ABTB2: variants seen among roughly 807,000 people sequenced by gnomAD.
ABTB2 encodes ankyrin repeat and BTB domain containing 2, also known as ankyrin repeat and BTB/POZ domain-containing protein 2.
In ABTB2, 56 loss-of-function variants were observed where a neutral mutation model predicts 104.1. The observed-to-expected ratio is 0.54, with a 90% CI of 0.43 to 0.67. The LOEUF (loss-of-function observed/expected upper bound fraction) is 0.67. Among genes scored for constraint, ABTB2 ranks in the 30% least tolerant of loss-of-function variants. The pLI, the probability that ABTB2 is intolerant of heterozygous loss-of-function variation, is 0.00. For missense variants in ABTB2, 1,279 were observed against 1,407.7 expected (o/e 0.91, Z 1.46); for synonymous variants, 606 against 608.2 (o/e 1.00, Z 0.05).
chr11:34,253,731 A>T, intron 1 of ABTB2, among the ~76,000 whole-genome samples: 1 of 152,004 alleles, frequency 6.6e-6, no homozygotes, highest in Non-Finnish European at 1.5e-5. Flanking sequence ...CCACAGAGGA[A>T]GCAAAATGTC....
At chr11:34,354,316 G>A (rs538335289) in intron 1 of ABTB2, among the ~76,000 whole-genome samples, 7 of 152,262 alleles carry the variant, frequency 4.6e-5, no homozygotes, top group African/African-American at 1.7e-4. Flanking sequence ...GCAAGGAGGA[G>A]GTTAAAACAT....
intron 1 of ABTB2, among the ~76,000 whole-genome samples, chr11:34,234,610 CCT>C: frequency 6.6e-6 from 1 of 152,324 alleles, no homozygotes; most frequent in East Asian, 1.9e-4. Context: ...TCTGGCTCCG[CCT>C]CTCACAAAAC....
Position 34,161,092 on chromosome 11 carries a change from C to T in ABTB2, c.2219-11G>A. On this transcript the variant is annotated splice_polypyrimidine_tract_variant and intron_variant, in intron 10 of 16. Transcript: ENST00000435224. ...GCTTCCAGGGGACTCCTGGTCCAGGCAGGGAAGGGCAGGCAGTCACGCACC... is the reference window on the plus strand; with the variant it reads ...GCTTCCAGGGGACTCCTGGTCCAGGTAGGGAAGGGCAGGCAGTCACGCACC... 2 of 1,594,404 alleles carry T rather than the reference C, an allele frequency of 1.3e-6. No homozygotes were observed. The highest frequency in any genetic ancestry group is 1.7e-6 in the Non-Finnish European group (2 of 1,169,398).
At position 34,151,304 on chromosome 11, in the gene ABTB2, A is replaced by C. The variant is rs1248478599; in HGVS notation, c.*1083T>G. 6.6e-6 allele frequency: 1 copy of C among 152,236 alleles called. No homozygotes were observed. The highest frequency in any genetic ancestry group is 1.9e-4 in the East Asian group (1 of 5,190). 9.4% of individuals were successfully genotyped at this position (152,236 alleles called of 1,614,324 possible). A position where few individuals can be genotyped will look rare whatever the true frequency, so the allele number is the denominator to read the frequency against. ...GATGCTGCCCCAGTGTCTGGTCCATAAATATGACAGGTGTCAGGGGAGCCC... is the reference window on the plus strand; with the variant it reads ...GATGCTGCCCCAGTGTCTGGTCCATCAATATGACAGGTGTCAGGGGAGCCC... On this transcript the variant is annotated 3_prime_UTR_variant, in exon 17 of 17. Transcript: ENST00000435224.
At chr11:34,324,869 T>G (rs1453980588) in intron 1 of ABTB2, among the ~76,000 whole-genome samples, 1 of 152,224 alleles carries the variant, frequency 6.6e-6, no homozygotes, top group African/African-American at 2.4e-5. Context: ...AGGCTCAGCC[T>G]CTACTGGAGT....
intron 1 of ABTB2, among the ~76,000 whole-genome samples, chr11:34,329,588 C>A (rs1855106317): frequency 6.6e-6 from 1 of 152,196 alleles, no homozygotes; most frequent in Admixed American, 6.5e-5. Context: ...GACTCAAGTC[C>A]AGAATCTTTG....
In ABTB2 at chr11:34,152,432, G is replaced by C; in HGVS notation, c.3033C>G (p.Thr1011=). Residue 1011 remains threonine, a synonymous_variant, in exon 17 of 17, where the codon ACC becomes ACG. Coordinates refer to ENST00000435224, the MANE Select transcript of ABTB2 (RefSeq NM_145804.3). ...GLDPLQDLQN[T]LAERVHSVYI... is the part of the protein sequence containing the mutation. The stretch of plus-strand genomic sequence containing the variant: ...AGACAGAGTGCACGCGCTCTGCCAG[G>C]GTGTTCTGCAGGTCCTGCAGTGGAT... The C allele has an allele frequency of 6.3e-7, 1 of 1,594,492 alleles. No homozygotes were observed. The highest frequency in any genetic ancestry group is 8.5e-7 in the Non-Finnish European group (1 of 1,171,902).
chr11:34,247,127 G>A (rs191218585), intron 1 of ABTB2, among the ~76,000 whole-genome samples: 4 of 152,298 alleles, frequency 2.6e-5, no homozygotes, highest in South Asian at 2.1e-4. Context: ...GATTACAGAC[G>A]TGAGCCACTG....
At chr11:34,342,084 T>C (rs1043168518) in intron 1 of ABTB2, among the ~76,000 whole-genome samples, 3 of 152,188 alleles carry the variant, frequency 2.0e-5, no homozygotes, top group Non-Finnish European at 1.5e-5. Context: ...CAAGGTATCA[T>C]AAATCAAGGA....
chr11:34,229,929 G>A (rs1321975933), intron 1 of ABTB2, among the ~76,000 whole-genome samples: 1 of 152,104 alleles, frequency 6.6e-6, no homozygotes, highest in Non-Finnish European at 1.5e-5. Flanking sequence ...CCCAGTTCTT[G>A]CCACTGGTTT....
intron 2 of ABTB2, among the ~76,000 whole-genome samples, chr11:34,197,818 C>T (rs546364385): frequency 2.2e-4 from 34 of 152,248 alleles, no homozygotes; most frequent in Non-Finnish European, 4.6e-4. Context: ...TTTTGACATC[C>T]CCACTCTCTC....
intron 1 of ABTB2, among the ~76,000 whole-genome samples, chr11:34,332,458 T>C (rs1451119538): frequency 6.6e-6 from 1 of 152,114 alleles, no homozygotes; most frequent in African/African-American, 2.4e-5. Context: ...ACACTCAGGG[T>C]ATTATGCACC....
intron 1 of ABTB2, among the ~76,000 whole-genome samples, chr11:34,232,460 A>AAC (rs1554984908): frequency 6.8e-6 from 1 of 147,354 alleles, no homozygotes. Context: ...AAAAAAAAAA[A>AAC]AAAAAATTGT....
intron 5 of ABTB2, 127 bp from the exon 6 acceptor site, chr11:34,168,119 C>T (rs1852827161): frequency 2.1e-6 from 2 of 947,306 alleles, no homozygotes; most frequent in South Asian, 2.9e-5. Context: ...CCTGTGGTCC[C>T]CCAGGCTCTG....
intron 1 of ABTB2, among the ~76,000 whole-genome samples, chr11:34,302,281 C>T (rs896954625): frequency 9.2e-5 from 14 of 152,352 alleles, no homozygotes; most frequent in South Asian, 6.2e-4. Flanking sequence ...GGGCTGCATA[C>T]ATTTCACCAT....
At position 34,207,818 on chromosome 11, in the gene ABTB2, G is replaced by A. The variant is rs914250563; in HGVS notation, c.884-3128C>T. On this transcript the variant is annotated intron_variant, in intron 1 of 16. Transcript: ENST00000435224. ...GCCCACCTTGTCCTTTCTCGAGCTA[G>A]GCAGCGCCTAGGATATTGGAGAGGA... 1.8e-4 allele frequency among the ~76,000 whole-genome samples: 28 copies of A among 152,232 alleles called. 1 individual carries two copies. The highest frequency in any genetic ancestry group is 1.5e-3 in the Admixed American group (23 of 15,292).
chr11:34,281,104 C>T (rs1192432454), intron 1 of ABTB2, among the ~76,000 whole-genome samples: 1 of 152,124 alleles, frequency 6.6e-6, no homozygotes, highest in Non-Finnish European at 1.5e-5. Context: ...GGAATGGGAA[C>T]CTCCACCCAA....
intron 1 of ABTB2, among the ~76,000 whole-genome samples, chr11:34,310,640 C>T (rs1269246423): frequency 6.6e-6 from 1 of 152,166 alleles, no homozygotes; most frequent in East Asian, 1.9e-4. Context: ...CTCACACATG[C>T]TGTTCCCTTT....
Position 34,335,141 on chromosome 11 carries a change from A to G in ABTB2, c.883+21560T>C, listed in dbSNP as rs886171399. The stretch of plus-strand genomic sequence containing the variant: ...AATTTCCACTTAATTTCTTCATAAT[A>G]TGGCTGTCTGGTGTTGCATTAGTGA... On this transcript the variant is annotated intron_variant, in intron 1 of 16. Transcript: ENST00000435224. 32 of 1,224,390 alleles carry G rather than the reference A, an allele frequency of 2.6e-5. No homozygotes were observed. The African/African-American group carries it at 4.0e-4, about 15-fold the overall frequency. 75.8% of individuals were successfully genotyped at this position (1,224,390 alleles called of 1,614,324 possible).
Sources: allele counts gnomAD v4.1 joint callset (sites outside exome capture counted in the v4.1 genomes callset), GRCh38; gene constraint gnomAD v4.1.1; transcripts MANE v1.5; gene names NCBI Gene and HGNC (gene_info 2026-07-23, HGNC 2026-07-21).